Variants in ADGRL3 observed in about 807,000 individuals in gnomAD.
ADGRL3 encodes calcium-independent alpha-latrotoxin receptor 3.
ADGRL3 carries 62 observed loss-of-function variants against 153.5 expected under a neutral mutation model. The ratio of observed to expected loss-of-function variants is 0.40; its 90% CI spans 0.33 to 0.50. ADGRL3 has a LOEUF of 0.50. ADGRL3 is among the 20% of genes least tolerant of loss of function. ADGRL3 has a pLI of 0.47. For synonymous variants in ADGRL3, 710 were observed against 672.5 expected, an observed-to-expected ratio of 1.06 and a Z score of -0.86; for missense variants, 1,641 against 1,859.4, an observed-to-expected ratio of 0.88 and a Z score of 2.16.
chr4:61,767,460 A>G (rs562815490), intron 8 of ADGRL3, among the ~76,000 whole-genome samples: 31 of 152,166 alleles, frequency 2.0e-4, no homozygotes, highest in African/African-American at 6.5e-4. Flanking sequence ...CTCCGTATTG[A>G]TTAAGAAGGG....
At chr4:61,478,605 C>A (rs2098093886) in intron 2 of ADGRL3, among the ~76,000 whole-genome samples, 1 of 152,048 alleles carries the variant, frequency 6.6e-6, no homozygotes. Flanking sequence ...ATATCTGAAT[C>A]TCTACAAAAT....
intron 5 of ADGRL3, among the ~76,000 whole-genome samples, chr4:61,655,898 A>T (rs910007589): frequency 6.6e-6 from 1 of 152,190 alleles, no homozygotes; most frequent in Admixed American, 6.5e-5. Flanking sequence ...ATTTTTCTTT[A>T]AATTCCTGAT....
intron 2 of ADGRL3, among the ~76,000 whole-genome samples, chr4:61,473,803 C>G (rs146200649): frequency 0.011 from 1,601 of 152,094 alleles, 30 homozygotes; most frequent in African/African-American, 0.036. Flanking sequence ...TTTGTTTTAG[C>G]ACAATTTAGA....
intron 1 of ADGRL3, among the ~76,000 whole-genome samples, chr4:61,369,809 A>C (rs1183329329): frequency 6.6e-6 from 1 of 152,100 alleles, no homozygotes; most frequent in Non-Finnish European, 1.5e-5. Flanking sequence ...GAATGGTACC[A>C]GTTCCTCCTT....
At position 61,733,302 on chromosome 4, in the gene ADGRL3, A is replaced by G. The variant is rs761934717; in HGVS notation, c.1147A>G (p.Met383Val). ...TAAAAGGTCAGCTTCCAATGCCTTT[A>G]TGATTTGTGGAATTCTGTATGTGGT... ...YDKRSASNAF[M>V]ICGILYVVKS... Residue 383 changes from methionine (M) to valine (V), a missense_variant, in exon 8 of 27, where the codon ATG (methionine) becomes GTG (valine). Physicochemically the swap from Met to Val is conservative, Grantham distance 21. Around this residue, in one of 5 missense-constraint regions of ADGRL3, gnomAD observed 213 missense variants for 362.1 expected, o/e 0.59. Transcript: ENST00000683033. 1.2e-6 allele frequency: 2 copies of G among 1,613,698 alleles called. No individual in the cohort carries two copies. The highest frequency in any genetic ancestry group is 1.7e-6 in the Non-Finnish European group (2 of 1,179,834).
At chr4:61,642,321 G>C (rs986298139) in intron 5 of ADGRL3, among the ~76,000 whole-genome samples, 8 of 152,156 alleles carry the variant, frequency 5.3e-5, no homozygotes, top group Non-Finnish European at 1.2e-4. Context: ...TCTGGCTTTG[G>C]TTGCCATTGC....
chr4:61,395,018 C>T (rs1461966818), intron 2 of ADGRL3, among the ~76,000 whole-genome samples: 2 of 151,962 alleles, frequency 1.3e-5, no homozygotes, highest in African/African-American at 4.8e-5. Context: ...GTGTTCTCAG[C>T]CACAAATGAA....
intron 9 of ADGRL3, among the ~76,000 whole-genome samples, chr4:61,822,968 C>G (rs1432351526): frequency 1.3e-5 from 2 of 152,068 alleles, no homozygotes; most frequent in Non-Finnish European, 2.9e-5. Flanking sequence ...ACAGTGGCTC[C>G]CCGATGTTGA....
intron 17 of ADGRL3, among the ~76,000 whole-genome samples, chr4:61,959,929 T>C (rs2098981553): frequency 6.6e-6 from 1 of 152,258 alleles, no homozygotes; most frequent in South Asian, 2.1e-4. Context: ...TTAAAAATCA[T>C]AGCTAATACT....
At chr4:61,957,549 G>GTATT (rs58620707) in intron 17 of ADGRL3, among the ~76,000 whole-genome samples, 70,871 of 144,206 alleles carry the variant, frequency 0.49, 17,916 homozygotes, top group Non-Finnish European at 0.55. Context: ...TTACATTTAT[G>GTATT]TATTTATTTA....
intron 1 of ADGRL3, among the ~76,000 whole-genome samples, chr4:61,381,099 CT>C (rs2096661739): frequency 1.3e-5 from 2 of 151,780 alleles, no homozygotes; most frequent in African/African-American, 4.8e-5. Flanking sequence ...TCATAAGTGG[CT>C]GTAATTGAGA....
intron 2 of ADGRL3, among the ~76,000 whole-genome samples, chr4:61,401,459 C>T (rs1006631111): frequency 2.0e-5 from 3 of 151,836 alleles, no homozygotes; most frequent in South Asian, 2.1e-4. Context: ...AAAACAAATA[C>T]GTTTCACACA....
At chr4:62,063,702 C>CAAAAA in intron 25 of ADGRL3, 1 of 554,750 alleles carries the variant, frequency 1.8e-6, no homozygotes, top group Non-Finnish European at 3.3e-6. Context: ...TGGGCAAATT[C>CAAAAA]TATTTTTCTT....
chr4:61,493,086 CTG>C (rs1219722837), intron 2 of ADGRL3, among the ~76,000 whole-genome samples: 3 of 152,172 alleles, frequency 2.0e-5, no homozygotes, highest in African/African-American at 4.8e-5. Context: ...TTTTAAAAAA[CTG>C]TTATAATTCA....
intron 8 of ADGRL3, among the ~76,000 whole-genome samples, chr4:61,762,222 T>C (rs1435119026): frequency 6.6e-6 from 1 of 152,164 alleles, no homozygotes; most frequent in Admixed American, 6.6e-5. Context: ...AGAAAGAACA[T>C]TGACAAATTT....
chr4:61,948,974 G>T (rs2098936371), intron 17 of ADGRL3, among the ~76,000 whole-genome samples: 4 of 150,784 alleles, frequency 2.7e-5, no homozygotes, highest in Admixed American at 2.6e-4. Context: ...GGCTAGAAAT[G>T]CAGTAACTAT....
At chr4:61,461,170 C>A (rs865942626) in intron 2 of ADGRL3, among the ~76,000 whole-genome samples, 2 of 152,208 alleles carry the variant, frequency 1.3e-5, no homozygotes, top group Non-Finnish European at 2.9e-5. Flanking sequence ...AATTATCTCC[C>A]ACTGGGTCCC....
At chr4:61,681,593 C>G (rs1345054176) in intron 6 of ADGRL3, among the ~76,000 whole-genome samples, 1 of 151,930 alleles carries the variant, frequency 6.6e-6, no homozygotes, top group Middle Eastern at 3.2e-3. Flanking sequence ...CATGATTGTC[C>G]TTATGAACAG....
chr4:61,955,513 G>T (rs1173267608), intron 17 of ADGRL3, among the ~76,000 whole-genome samples: 1 of 152,062 alleles, frequency 6.6e-6, no homozygotes, highest in Non-Finnish European at 1.5e-5. Context: ...GAACTAATTA[G>T]TGATGAATTT....
Sources: allele counts gnomAD v4.1 joint callset (sites outside exome capture counted in the v4.1 genomes callset), GRCh38; gene constraint gnomAD v4.1.1; regional missense constraint gnomAD v4.1.1; transcripts MANE v1.5; gene names NCBI Gene and HGNC (gene_info 2026-07-23, HGNC 2026-07-21).